OSBP: variants seen among roughly 807,000 people sequenced by gnomAD.
OSBP encodes oxysterol-binding protein 1.
OSBP carries 32 observed loss-of-function variants against 96.6 expected under a neutral mutation model. The observed-to-expected ratio is 0.33, with a 90% CI of 0.25 to 0.45. The LOEUF is 0.45. OSBP is among the 20% of genes least tolerant of loss of function. The probability of loss-of-function intolerance (pLI) is 1.00; values close to 1 mark genes in which losing one functional copy is unlikely to be tolerated. For synonymous variants in OSBP, 369 were observed against 389.6 expected, an observed-to-expected ratio of 0.95 and a Z score of 0.62; for missense variants, 653 against 1,029.7, an observed-to-expected ratio of 0.63 and a Z score of 5.01.
At position 59,585,606 on chromosome 11, in the gene OSBP, A is replaced by G. The variant is rs370102180; in HGVS notation, c.1679-4052T>C. Reference sequence around the variant, plus strand: ...CGGGAGGTGAGGGGCGCCTCTGCCCAGCCGCCCCTACTGGGAAGTGAGGAG... The same window carrying G: ...CGGGAGGTGAGGGGCGCCTCTGCCCGGCCGCCCCTACTGGGAAGTGAGGAG... On this transcript the variant is annotated intron_variant, in intron 9 of 13. Coordinates refer to ENST00000263847, the MANE Select transcript of OSBP (RefSeq NM_002556.3). Among the ~76,000 whole-genome samples the G allele has an allele frequency of 2.4e-4, 36 of 149,624 alleles. No individual in the cohort carries two copies. The East Asian group carries it at 5.5e-3, about 23-fold the overall frequency.
chr11:59,589,433 T>A (rs1469145822), intron 9 of OSBP, among the ~76,000 whole-genome samples: 1 of 151,458 alleles, frequency 6.6e-6, no homozygotes, highest in Non-Finnish European at 1.5e-5. Context: ...GAACCCAGTC[T>A]CTACTAAAAA....
Position 59,585,475 on chromosome 11 carries a change from C to T in OSBP, c.1679-3921G>A, listed in dbSNP as rs890362320. ...CTGAGAAGTGAGGAGCCCCTCCGCC[C>T]GGCAGCCACCCCGTCTGGGAAGTGA... On this transcript the variant is annotated intron_variant, in intron 9 of 13. Transcript: ENST00000263847. Among the ~76,000 whole-genome samples the T allele has an allele frequency of 4.0e-5, 6 of 151,756 alleles. No homozygotes were observed. The East Asian group carries it at 7.8e-4, about 20-fold the overall frequency.
rs1359464369 is a variant in OSBP, at chr11:59,594,019, G to C, written c.1548C>G (p.Leu516=). The stretch of plus-strand genomic sequence containing the variant: ...TCTGAGGTTCCTTTACCTGTTCACA[G>C]AGGGATCGGTACCCATTCTCCTCTA... ...DRLEENGYRS[L]CEQVSHHPPA... The change falls in exon 8 of 14, where the codon CTC becomes CTG. Residue 516 remains leucine (L), a synonymous_variant. Coordinates refer to ENST00000263847, the MANE Select transcript of OSBP (RefSeq NM_002556.3). 6.2e-7 allele frequency: 1 copy of C among 1,613,994 alleles called. No individual in the cohort carries two copies. Among genetic ancestry groups the C allele is most frequent in the African/African-American group, 1.3e-5 (1 of 74,936 alleles).
intron 7 of OSBP, among the ~76,000 whole-genome samples, chr11:59,596,820 C>T (rs533034659): frequency 2.6e-5 from 4 of 152,230 alleles, no homozygotes; most frequent in South Asian, 2.1e-4. Flanking sequence ...AGACTTCCCA[C>T]GGCTATAACC....
At chr11:59,598,880 G>A (rs553287274) in intron 7 of OSBP, among the ~76,000 whole-genome samples, 9 of 152,302 alleles carry the variant, frequency 5.9e-5, no homozygotes, top group South Asian at 2.1e-4. Flanking sequence ...ATGAGCCACC[G>A]CACCCAGCCA....
intron 4 of OSBP, 124 bp from the exon 5 acceptor site, chr11:59,601,509 G>T: frequency 8.6e-7 from 1 of 1,167,766 alleles, no homozygotes; most frequent in Non-Finnish European, 1.3e-6. Flanking sequence ...GGAAAATCCA[G>T]AATAAATCAA....
intron 9 of OSBP, among the ~76,000 whole-genome samples, chr11:59,582,278 T>C (rs1467303541): frequency 6.6e-6 from 1 of 152,194 alleles, no homozygotes; most frequent in Non-Finnish European, 1.5e-5. Context: ...TCACCTGATA[T>C]TGGGTCAACT....
chr11:59,590,983 C>T (rs778726072), intron 9 of OSBP, among the ~76,000 whole-genome samples: 6 of 152,218 alleles, frequency 3.9e-5, no homozygotes, highest in Non-Finnish European at 8.8e-5. Flanking sequence ...TGTTCACTTA[C>T]ATTTCCCAAA....
At chr11:59,597,981 C>T (rs542940661) in intron 7 of OSBP, among the ~76,000 whole-genome samples, 1 of 152,264 alleles carries the variant, frequency 6.6e-6, no homozygotes, top group African/African-American at 2.4e-5. Flanking sequence ...GCTAGGATTA[C>T]AGGCATGAGC....
chr11:59,590,833 C>CA (rs1279717359), intron 9 of OSBP, among the ~76,000 whole-genome samples: 1 of 152,182 alleles, frequency 6.6e-6, no homozygotes, highest in Non-Finnish European at 1.5e-5. Flanking sequence ...CCTTCCAAGC[C>CA]ACTGAGCCAA....
chr11:59,614,823 C>T (rs541836499), intron 1 of OSBP, among the ~76,000 whole-genome samples: 9 of 152,308 alleles, frequency 5.9e-5, no homozygotes, highest in African/African-American at 1.9e-4. Flanking sequence ...GGAGCAAGGA[C>T]GGGTACATCC....
chr11:59,580,120 G>C (rs1421391324), intron 11 of OSBP, 54 bp downstream of exon 11: 7 of 1,175,780 alleles, frequency 6.0e-6, no homozygotes, highest in Non-Finnish European at 9.0e-6. Context: ...AAAGGAGTAT[G>C]CTTTCTAAGA....
Position 59,615,340 on chromosome 11 carries a change from A to T in OSBP, c.325T>A (p.Trp109Arg). ...TNYIKGYQRR[W>R]FVLSNGLLSY... ...AGGAGCCCGTTGCTCAGCACGAACC[A>T]TCGCCGCTGGTAGCCTTTGATATAA... The change falls in exon 1 of 14, where the codon TGG becomes AGG. Residue 109 changes from tryptophan to arginine, a missense_variant. Physicochemically the swap from Trp to Arg is moderately radical, Grantham distance 101. Coordinates refer to ENST00000263847, the MANE Select transcript of OSBP (RefSeq NM_002556.3). 6.2e-7 allele frequency: 1 copy of T among 1,606,622 alleles called. No homozygotes were observed. The highest frequency in any genetic ancestry group is 8.5e-7 in the Non-Finnish European group (1 of 1,175,616).
Position 59,576,275 on chromosome 11 carries a change from G to T in OSBP, c.*302C>A. ...TGACATTGTCTTAAATGGGGGCAGA[G>T]GGAGAAAGAAGAGCCAAGAATACTT... On this transcript the variant is annotated 3_prime_UTR_variant, in exon 14 of 14. Coordinates refer to ENST00000263847, the MANE Select transcript of OSBP (RefSeq NM_002556.3). The T allele has an allele frequency of 3.5e-6, 1 of 284,354 alleles. No homozygotes were observed. Among genetic ancestry groups the T allele is most frequent in the East Asian group, 7.3e-5 (1 of 13,726 alleles). The allele number at this position is 284,354 out of a possible 1,614,324, so 17.6% of individuals were successfully genotyped here.
chr11:59,612,617 T>C (rs571574020), intron 1 of OSBP, among the ~76,000 whole-genome samples: 14 of 152,252 alleles, frequency 9.2e-5, no homozygotes, highest in Non-Finnish European at 1.3e-4. Context: ...ATCTCGGAGC[T>C]CTTGAGTCTG....
intron 1 of OSBP, among the ~76,000 whole-genome samples, chr11:59,614,289 C>A (rs1251995534): frequency 1.3e-5 from 2 of 152,150 alleles, no homozygotes; most frequent in African/African-American, 4.8e-5. Context: ...AGTCTGTTTT[C>A]CTCATCAGTA....
At chr11:59,578,110 T>G (rs1222310127) in intron 12 of OSBP, 39 bp downstream of exon 12, 2 of 1,597,540 alleles carry the variant, frequency 1.3e-6, no homozygotes, top group Non-Finnish European at 1.7e-6. Flanking sequence ...ACAGTCAAGG[T>G]CAAAGTGGTA....
intron 9 of OSBP, among the ~76,000 whole-genome samples, chr11:59,588,109 C>T (rs1043617652): frequency 1.3e-5 from 2 of 152,240 alleles, no homozygotes; most frequent in Admixed American, 6.5e-5. Flanking sequence ...GATGACATTA[C>T]GTTAGGTGAA....
intron 9 of OSBP, among the ~76,000 whole-genome samples, chr11:59,587,423 A>AC (rs1286729017): frequency 6.6e-6 from 1 of 151,894 alleles, no homozygotes; most frequent in African/African-American, 2.4e-5. Flanking sequence ...AATCACCTGA[A>AC]CCCAAGAGGT....
Sources: allele counts gnomAD v4.1 joint callset (sites outside exome capture counted in the v4.1 genomes callset), GRCh38; gene constraint gnomAD v4.1.1; transcripts MANE v1.5; gene names NCBI Gene and HGNC (gene_info 2026-07-23, HGNC 2026-07-21).